Variants in ZNF609 observed in about 807,000 individuals in gnomAD.
ZNF609 encodes the protein zinc finger protein 609.
A neutral mutation model predicts 109.5 loss-of-function variants in ZNF609; 11 were observed. The ratio of observed to expected loss-of-function variants is 0.10; its 90% CI spans 0.06 to 0.17. The LOEUF is 0.17. Among genes scored for constraint, ZNF609 ranks in the 10% least tolerant of loss-of-function variants. The pLI is 1.00. For synonymous variants in ZNF609, 646 were observed against 662.0 expected, an observed-to-expected ratio of 0.98 and a Z score of 0.37; for missense variants, 1,559 against 1,772.4, an observed-to-expected ratio of 0.88 and a Z score of 2.16.
At chr15:64,522,728 C>T (rs933233976) in intron 2 of ZNF609, among the ~76,000 whole-genome samples, 4 of 152,020 alleles carry the variant, frequency 2.6e-5, no homozygotes, top group African/African-American at 4.8e-5. Context: ...AATTTGCTTT[C>T]GTTGATGAGC....
intron 2 of ZNF609, among the ~76,000 whole-genome samples, chr15:64,543,648 T>C (rs1894308991): frequency 6.6e-6 from 1 of 152,218 alleles, no homozygotes; most frequent in South Asian, 2.1e-4. Flanking sequence ...TTCACTGTAT[T>C]GGCCAGGCTG....
intron 2 of ZNF609, among the ~76,000 whole-genome samples, chr15:64,506,448 C>T (rs1250371342): frequency 2.1e-5 from 3 of 142,022 alleles, no homozygotes; most frequent in African/African-American, 7.8e-5. Flanking sequence ...AGGCCGGGCG[C>T]GGTGGCTCAC....
intron 2 of ZNF609, among the ~76,000 whole-genome samples, chr15:64,549,592 A>G (rs1398737790): frequency 6.6e-6 from 1 of 152,104 alleles, no homozygotes; most frequent in East Asian, 1.9e-4. Context: ...CAGTTAGGTT[A>G]TTTTCCCAAG....
chr15:64,593,241 C>T, intron 2 of ZNF609: 2 of 1,531,234 alleles, frequency 1.3e-6, no homozygotes, highest in South Asian at 1.1e-5. Flanking sequence ...AGGAATCGAT[C>T]TCGTGAAGCC....
At chr15:64,517,810 C>A (rs1056921752) in intron 2 of ZNF609, among the ~76,000 whole-genome samples, 55 of 151,730 alleles carry the variant, frequency 3.6e-4, no homozygotes, top group African/African-American at 1.3e-3. Context: ...TATTTTTAGA[C>A]ACTCTGTCAC....
intron 2 of ZNF609, among the ~76,000 whole-genome samples, chr15:64,505,033 A>G (rs1158521658): frequency 3.3e-5 from 5 of 152,184 alleles, no homozygotes; most frequent in African/African-American, 4.8e-5. Flanking sequence ...TTTTACCCCA[A>G]AACTGCTTTC....
chr15:64,537,358 GGGTGTGGT>G (rs1894168080), intron 2 of ZNF609, among the ~76,000 whole-genome samples: 1 of 149,776 alleles, frequency 6.7e-6, no homozygotes, highest in South Asian at 2.1e-4. Flanking sequence ...AAAATTAGCC[GGGTGTGGT>G]GGCACATGCC....
chr15:64,619,383 G>T (rs1004019634), intron 2 of ZNF609, among the ~76,000 whole-genome samples: 1 of 152,148 alleles, frequency 6.6e-6, no homozygotes, highest in African/African-American at 2.4e-5. Context: ...ATGAAATCCT[G>T]TAAAGCCACA....
At chr15:64,510,989 ATTTT>A (rs35191543) in intron 2 of ZNF609, among the ~76,000 whole-genome samples, 2 of 127,124 alleles carry the variant, frequency 1.6e-5, no homozygotes, top group Admixed American at 7.9e-5. Flanking sequence ...CATAGCATTG[ATTTT>A]TTTTTTTTTT....
intron 2 of ZNF609, among the ~76,000 whole-genome samples, chr15:64,534,335 A>C (rs1407167143): frequency 4.8e-5 from 7 of 145,156 alleles, no homozygotes; most frequent in African/African-American, 1.8e-4. Flanking sequence ...TTTTTAAGAT[A>C]GAGTCTCGCT....
At chr15:64,656,760 CCTCTTTCT>C (rs1397997659) in intron 3 of ZNF609, among the ~76,000 whole-genome samples, 1 of 151,044 alleles carries the variant, frequency 6.6e-6, no homozygotes, top group Non-Finnish European at 1.5e-5. Context: ...TCCCTCTCTC[CCTCTTTCT>C]CCTCCCCTCC....
At chr15:64,604,385 C>G (rs144143291) in intron 2 of ZNF609, among the ~76,000 whole-genome samples, 1 of 152,194 alleles carries the variant, frequency 6.6e-6, no homozygotes, top group African/African-American at 2.4e-5. Flanking sequence ...TTTGAAAAAG[C>G]CTTTTATGAT....
At chr15:64,594,416 T>G (rs1178285320) in intron 2 of ZNF609, among the ~76,000 whole-genome samples, 17 of 151,476 alleles carry the variant, frequency 1.1e-4, no homozygotes, top group Admixed American at 1.1e-3. Flanking sequence ...CACTGCAACC[T>G]CCACCTCCTG....
chr15:64,535,163 C>T (rs908202934), intron 2 of ZNF609, among the ~76,000 whole-genome samples: 1 of 152,064 alleles, frequency 6.6e-6, no homozygotes, highest in African/African-American at 2.4e-5. Context: ...CTCAAACTAT[C>T]CTCCTGCCTC....
intron 2 of ZNF609, among the ~76,000 whole-genome samples, chr15:64,541,549 A>G (rs1894262766): frequency 1.3e-5 from 2 of 151,908 alleles, no homozygotes; most frequent in South Asian, 4.2e-4. Flanking sequence ...TTGTTGTTTA[A>G]GTAGAATTCC....
intron 4 of ZNF609, among the ~76,000 whole-genome samples, chr15:64,672,398 G>A (rs1413859603): frequency 6.7e-6 from 1 of 150,218 alleles, no homozygotes; most frequent in Non-Finnish European, 1.5e-5. Flanking sequence ...GCTGAGGCGG[G>A]TGGATCACCT....
At chr15:64,640,212 T>C (rs1426138698) in intron 3 of ZNF609, among the ~76,000 whole-genome samples, 1 of 152,142 alleles carries the variant, frequency 6.6e-6, no homozygotes, top group Non-Finnish European at 1.5e-5. Context: ...TATTTTATTT[T>C]ACTTTTTGTA....
chr15:64,653,414 G>A (rs1896445478), intron 3 of ZNF609, among the ~76,000 whole-genome samples: 2 of 152,172 alleles, frequency 1.3e-5, no homozygotes, highest in South Asian at 2.1e-4. Context: ...GGAGGTCGAG[G>A]TGGGCGGATT....
chr15:64,573,346 CTT>C (rs71133442), intron 2 of ZNF609, among the ~76,000 whole-genome samples: 2 of 72,976 alleles, frequency 2.7e-5, no homozygotes, highest in African/African-American at 5.4e-5. Context: ...GCCCAACTTT[CTT>C]TTTTTTTTTT....
Sources: allele counts gnomAD v4.1 joint callset (sites outside exome capture counted in the v4.1 genomes callset), GRCh38; gene constraint gnomAD v4.1.1; transcripts MANE v1.5; gene names NCBI Gene and HGNC (gene_info 2026-07-23, HGNC 2026-07-21).